Variants in MBD1 observed in about 807,000 individuals in gnomAD.
MBD1 encodes methyl-CpG binding domain protein 1, also known as methyl-CpG-binding domain protein 1.
Under a neutral mutation model 82.6 loss-of-function variants are expected in MBD1, and 25 were observed. The observed-to-expected ratio is 0.30, with a 90% CI of 0.22 to 0.42. MBD1 has a LOEUF of 0.42. MBD1 is among the 10% of genes least tolerant of loss of function. The pLI, the probability that MBD1 is intolerant of heterozygous loss-of-function variation, is 1.00. For synonymous variants in MBD1, 301 were observed against 303.7 expected, an observed-to-expected ratio of 0.99 and a Z score of 0.09; for missense variants, 627 against 819.6, an observed-to-expected ratio of 0.76 and a Z score of 2.87.
At chr18:50,281,025 C>A (rs1037829108) in intron 1 of MBD1, 5 of 756,812 alleles carry the variant, frequency 6.6e-6, no homozygotes, top group Non-Finnish European at 1.1e-5. Context: ...TGTCATCAGC[C>A]TGAGGGCCCC....
At chr18:50,276,493 C>T in intron 5 of MBD1, 75 bp from the exon 6 acceptor site, 1 of 1,504,960 alleles carries the variant, frequency 6.6e-7, no homozygotes, top group East Asian at 2.3e-5. Context: ...TGCCTGTGCC[C>T]TGACTTCCAC....
At chr18:50,273,917 C>T (rs2036679552) in intron 11 of MBD1, 54 bp from the exon 12 acceptor site, 3 of 1,595,804 alleles carry the variant, frequency 1.9e-6, no homozygotes, top group African/African-American at 2.7e-5. Context: ...CAATCACATC[C>T]ACCCTGCCCG....
Position 50,273,375 on chromosome 18 carries a change from C to T in MBD1, c.1543G>A (p.Val515Ile). Residue 515 changes from valine (V) to isoleucine (I), a missense_variant, in exon 13 of 17, where the codon GTC becomes ATC. Transcript: ENST00000269468. The stretch of plus-strand genomic sequence containing the variant: ...GGCACCAATACGGGAGAAGTCAGGA[C>T]AGCTGTGCCTGGTGTCCACTCGTCC... ...TQDEWTPGTAVLTSPVLVPGC... is the reference protein window; with the variant it reads ...TQDEWTPGTAILTSPVLVPGC... 6.2e-7 allele frequency: 1 copy of T among 1,614,214 alleles called. No homozygotes were observed. Among genetic ancestry groups the T allele is most frequent in the Non-Finnish European group, 8.5e-7 (1 of 1,180,040 alleles).
At chr18:50,280,059 G>C in intron 1 of MBD1, 42 bp from the exon 2 acceptor site, 1 of 1,555,772 alleles carries the variant, frequency 6.4e-7, no homozygotes, top group Non-Finnish European at 8.7e-7. Flanking sequence ...GAGGCTCTAG[G>C]AAGGGACAAC....
chr18:50,268,267 G>A (rs765941738), downstream of MBD1, among the ~76,000 whole-genome samples: 4 of 152,204 alleles, frequency 2.6e-5, no homozygotes, highest in Non-Finnish European at 4.4e-5. Flanking sequence ...GCCGCCCGTT[G>A]GGGATTCCCA....
intron 16 of MBD1, 177 bp from the exon 17 acceptor site, chr18:50,269,995 A>C: frequency 6.3e-7 from 1 of 1,595,394 alleles, no homozygotes; most frequent in Non-Finnish European, 8.5e-7. Context: ...GGTCAGCAGA[A>C]GCTTAACTCA....
At chr18:50,268,197 G>A (rs1054860874), downstream of MBD1, among the ~76,000 whole-genome samples, 1 of 152,226 alleles carries the variant, frequency 6.6e-6, no homozygotes, top group African/African-American at 2.4e-5. Context: ...CTCCGGGAAG[G>A]CGGCAATGAA....
intron 1 of MBD1, among the ~76,000 whole-genome samples, chr18:50,280,337 TC>T (rs913541018): frequency 2.6e-4 from 40 of 151,614 alleles, no homozygotes; most frequent in African/African-American, 8.5e-4. Context: ...TTTTCATCCT[TC>T]CCCCTCATTC....
Position 50,276,872 on chromosome 18 carries a change from C to G in MBD1, c.352G>C (p.Ala118Pro), listed in dbSNP as rs77245079. 6.2e-7 allele frequency: 1 copy of G among 1,614,250 alleles called. No homozygotes were observed. Among genetic ancestry groups the G allele is most frequent in the Non-Finnish European group, 8.5e-7 (1 of 1,180,044 alleles). ...GAAGCTGGGGCTGTGTCAGTGTCAG[C>G]CTTGGTCTCATCCCTCGGGGCCTCC... The part of the protein sequence containing the change: ...RKEAPRDETK[A>P]DTDTAPASFP... The change falls in exon 4 of 17, where the codon GCT (alanine) becomes CCT (proline). Residue 118 changes from alanine (A) to proline (P), a missense_variant. Ala to Pro is a conservative substitution (Grantham distance 27). Around this residue, in one of 6 missense-constraint regions of MBD1, gnomAD observed 75 missense variants for 74.7 expected, o/e 1.00. Transcript: ENST00000269468.
rs986409384 is a variant in MBD1, at chr18:50,277,212, T to C, written c.111-8A>G. 3 of 1,597,140 alleles carry C rather than the reference T, an allele frequency of 1.9e-6. No homozygotes were observed. Among genetic ancestry groups the C allele is most frequent in the South Asian group, 1.1e-5 (1 of 90,598 alleles). ...ATCCTGTCTCCTGTGGGGCTAGGGATGGGCCATGATGGGTTAGCACCCAGG... is the reference window on the plus strand; with the variant it reads ...ATCCTGTCTCCTGTGGGGCTAGGGACGGGCCATGATGGGTTAGCACCCAGG... On this transcript the variant is annotated splice_region_variant and splice_polypyrimidine_tract_variant and intron_variant, in intron 2 of 16. Coordinates refer to ENST00000269468, the MANE Select transcript of MBD1 (RefSeq NM_015846.4).
At chr18:50,278,235 A>G (rs2038845784) in intron 2 of MBD1, among the ~76,000 whole-genome samples, 1 of 152,186 alleles carries the variant, frequency 6.6e-6, no homozygotes, top group Admixed American at 6.5e-5. Flanking sequence ...ACAATTCAAA[A>G]CTAATGAATT....
At chr18:50,275,490 G>A (rs150827389) in intron 8 of MBD1, 110 bp downstream of exon 8, 33 of 1,600,270 alleles carry the variant, frequency 2.1e-5, no homozygotes, top group Middle Eastern at 3.3e-4. Flanking sequence ...GCGAGCATAG[G>A]GTTAGGCAGA....
rs2037540437 is a variant in MBD1, at chr18:50,275,622, CA to C, written c.769del (p.Cys257ValfsTer65). On this transcript the variant is annotated frameshift_variant, in exon 8 of 17. Transcript: ENST00000269468. LOFTEE classifies it high-confidence loss of function. ...PRPGLRRQWK[C>X]VQRRCLRGKH... ...CACCCGTAGGCAACGTCGCTGGACA[CA>C]TTTCCACTGGCGCCTGAGACCAGGG... The C allele has an allele frequency of 6.2e-7, 1 of 1,614,102 alleles. No individual in the cohort carries two copies.
Position 50,273,577 on chromosome 18 carries a change from T to C in MBD1, c.1433A>G (p.Glu478Gly). 1 of 1,612,976 alleles carries C rather than the reference T, an allele frequency of 6.2e-7. No individual in the cohort carries two copies. The highest frequency in any genetic ancestry group is 8.5e-7 in the Non-Finnish European group (1 of 1,180,026). ...QVPGPVAAST[E>G]ALLQEAQCSG... ...TGGGGCCCTCACCTGCAACAGGGCT[T>C]CTGTGGAAGCTGCAACAGGGCCCGG... is the stretch of plus-strand genomic sequence containing the variant. The change falls in exon 12 of 17, where the codon GAA (glutamate) becomes GGA (glycine). Residue 478 changes from glutamate to glycine, a missense_variant. Around this residue, in one of 6 missense-constraint regions of MBD1, gnomAD observed 265 missense variants for 278.4 expected, o/e 0.95. Coordinates refer to ENST00000269468, the MANE Select transcript of MBD1 (RefSeq NM_015846.4).
chr18:50,273,906 C>T, intron 11 of MBD1, 43 bp from the exon 12 acceptor site: 1 of 1,602,398 alleles, frequency 6.2e-7, no homozygotes, highest in Non-Finnish European at 8.5e-7. Context: ...GGTGTCCTGA[C>T]CAATCACATC....
intron 16 of MBD1, chr18:50,271,134 C>A: frequency 8.7e-7 from 1 of 1,149,746 alleles, no homozygotes; most frequent in Non-Finnish European, 1.1e-6. Flanking sequence ...CATCCAGAAG[C>A]CACTTACAAT....
Position 50,273,809 on chromosome 18 carries a change from G to T in MBD1, c.1201C>A (p.Pro401Thr). ...GGCCTCTTTCGACGACGGTAAGGTG[G>T]GGGCGATCCTGCCCCATCCTCAGAC... ...SESEDGAGSP[P>T]PYRRRKRPSS... Residue 401 changes from proline (P) to threonine (T), a missense_variant, in exon 12 of 17, where the codon CCA (proline) becomes ACA (threonine). By Grantham distance (38) the Pro-to-Thr change is conservative (BLOSUM62 -1). Around this residue, in one of 6 missense-constraint regions of MBD1, gnomAD observed 265 missense variants for 278.4 expected, o/e 0.95. Transcript: ENST00000269468. 5.6e-6 allele frequency: 9 copies of T among 1,613,650 alleles called. No individual in the cohort carries two copies. The highest frequency in any genetic ancestry group is 7.6e-6 in the Non-Finnish European group (9 of 1,179,984).
chr18:50,272,611 C>A, intron 15 of MBD1, 66 bp downstream of exon 15: 1 of 1,582,824 alleles, frequency 6.3e-7, no homozygotes, highest in Non-Finnish European at 8.7e-7. Flanking sequence ...GCTATACTTT[C>A]AAAACTCAGG....
At chr18:50,273,018 T>A (rs2036267089) in intron 13 of MBD1, 63 bp from the exon 14 acceptor site, 1 of 1,595,264 alleles carries the variant, frequency 6.3e-7, no homozygotes, top group Non-Finnish European at 8.6e-7. Flanking sequence ...AAAGTCTCTA[T>A]CAGCCAACCC....
Sources: gnomAD v4.1 joint callset for allele counts (sites outside exome capture counted in the v4.1 genomes callset) on GRCh38, gnomAD v4.1.1 for gene constraint, gnomAD v4.1.1 regional missense constraint, MANE v1.5 for transcripts, NCBI Gene and HGNC (gene_info 2026-07-23, HGNC 2026-07-21) for gene names.